Variants in SMYD4 observed in about 807,000 individuals in gnomAD.
SMYD4 encodes protein-lysine N-methyltransferase SMYD4.
A neutral mutation model predicts 72.8 loss-of-function variants in SMYD4; 68 were observed. The ratio of observed to expected loss-of-function variants is 0.93; its 90% confidence interval spans 0.77 to 1.14. The LOEUF is 1.14. Among genes scored for constraint, SMYD4 ranks in the 50% most tolerant of loss-of-function variants. The probability of loss-of-function intolerance (pLI) is 0.00; values close to 1 mark genes in which losing one functional copy is unlikely to be tolerated. For missense variants in SMYD4, 984 were observed against 1,003.7 expected (o/e 0.98, Z 0.27); for synonymous variants, 407 against 388.6 (o/e 1.05, Z -0.56).
Position 1,783,022 on chromosome 17 carries a change from GAA to G in SMYD4, c.2261+11_2261+12del. ...GAACAGTGTGTGCCCTGTGAAGTGG[GAA>G]AGGGACTCACCCGTTGAAAAAGATC... On this transcript the variant is annotated intron_variant, in intron 10 of 10. Coordinates refer to ENST00000305513, the MANE Select transcript of SMYD4 (RefSeq NM_052928.3). 1 of 1,613,094 alleles carries G rather than the reference GAA, an allele frequency of 6.2e-7. No individual in the cohort carries two copies. The highest frequency in any genetic ancestry group is 8.5e-7 in the Non-Finnish European group (1 of 1,179,708).
chr17:1,783,864 T>C (rs1208922020), intron 8 of SMYD4: 1 of 306,338 alleles, frequency 3.3e-6, no homozygotes, highest in Non-Finnish European at 6.2e-6. Flanking sequence ...TCAAGGGCAA[T>C]GGGGAGCTCC....
At position 1,780,993 on chromosome 17, in the gene SMYD4, C is replaced by T. The variant is rs1378385307; in HGVS notation, c.*293G>A. ...GGAGTGCAGTGGAGCGATCTCGGCT[C>T]ACTGCAACCTCCGCCTCCTGGGTTC... On this transcript the variant is annotated 3_prime_UTR_variant, in exon 11 of 11. Transcript: ENST00000305513. 2 of 230,952 alleles carry T rather than the reference C, an allele frequency of 8.7e-6. No homozygotes were observed. Among genetic ancestry groups the T allele is most frequent in the Non-Finnish European group, 8.5e-6 (1 of 117,548 alleles). The allele number at this position is 230,952 out of a possible 1,614,324, so 14.3% of individuals were successfully genotyped here.
At chr17:1,781,569 A>ACTTACTGTTCT in intron 10 of SMYD4, 130 bp from the exon 11 acceptor site, 2 of 1,075,710 alleles carry the variant, frequency 1.9e-6, no homozygotes, top group Non-Finnish European at 1.3e-6. Context: ...CTAGAACAGT[A>ACTTACTGTTCT]AGTAAGACAC....
chr17:1,814,025 G>A (rs1467444535), intron 2 of SMYD4, among the ~76,000 whole-genome samples: 2 of 152,122 alleles, frequency 1.3e-5, no homozygotes, highest in Admixed American at 1.3e-4. Flanking sequence ...CAGAGCTGCA[G>A]AATGGCCAGG....
chr17:1,787,752 G>T, intron 5 of SMYD4, 148 bp from the exon 6 acceptor site: 1 of 838,906 alleles, frequency 1.2e-6, no homozygotes, highest in Non-Finnish European at 1.8e-6. Flanking sequence ...AATCAGATGG[G>T]ACATGACTCA....
At chr17:1,829,321 C>T (rs972139078) in intron 1 of SMYD4, 4 of 152,352 alleles carry the variant, frequency 2.6e-5, no homozygotes, top group Non-Finnish European at 5.9e-5. Context: ...TTGGCATAGG[C>T]TACTCATGCT....
chr17:1,799,665 C>T (rs1347902406), intron 5 of SMYD4, among the ~76,000 whole-genome samples, 192 bp downstream of exon 5: 2 of 152,074 alleles, frequency 1.3e-5, no homozygotes, highest in Non-Finnish European at 2.9e-5. Flanking sequence ...TGGGCCACCA[C>T]GCCTGGCAGG....
At chr17:1,811,898 G>T in intron 3 of SMYD4, 73 bp downstream of exon 3, 1 of 1,542,998 alleles carries the variant, frequency 6.5e-7, no homozygotes, top group Non-Finnish European at 8.8e-7. Flanking sequence ...CTGTACTCCA[G>T]CCTGGGTAAC....
At chr17:1,807,427 G>C (rs1486992193) in intron 3 of SMYD4, among the ~76,000 whole-genome samples, 37 of 117,402 alleles carry the variant, frequency 3.2e-4, no homozygotes, top group African/African-American at 5.7e-4. Context: ...CGCCCCCCCC[G>C]GCCCCCACAC....
chr17:1,817,071 G>T, intron 2 of SMYD4, among the ~76,000 whole-genome samples: 3 of 140,334 alleles, frequency 2.1e-5, no homozygotes, highest in Admixed American at 7.3e-5. Context: ...TTTTAAGACA[G>T]TCTCACTCTG....
At chr17:1,809,369 A>G (rs927818597) in intron 3 of SMYD4, among the ~76,000 whole-genome samples, 1 of 125,496 alleles carries the variant, frequency 8.0e-6, no homozygotes, top group Non-Finnish European at 2.0e-5. Context: ...TATTATTGTT[A>G]TTATTATTAT....
intron 2 of SMYD4, among the ~76,000 whole-genome samples, chr17:1,818,676 T>C (rs1187814452): frequency 1.3e-5 from 2 of 152,166 alleles, no homozygotes; most frequent in Non-Finnish European, 1.5e-5. Flanking sequence ...AATTTTTTTT[T>C]CGAGACAGGT....
At chr17:1,789,764 C>CCAAAAAAAAAAAAAAAAAAAA (rs71150816) in intron 5 of SMYD4, among the ~76,000 whole-genome samples, 1 of 90,098 alleles carries the variant, frequency 1.1e-5, no homozygotes, top group East Asian at 3.0e-4. Flanking sequence ...GACTCTGTCT[C>CCAAAAAAAAAAAAAAAAAAAA]AAAAAAAAAA....
intron 5 of SMYD4, among the ~76,000 whole-genome samples, chr17:1,799,260 CAAA>C (rs1282407463): frequency 2.1e-5 from 2 of 94,694 alleles, no homozygotes; most frequent in Admixed American, 1.1e-4. Flanking sequence ...GACTCCGTCT[CAAA>C]AAAAAAAAAA....
At chr17:1,823,257 G>A (rs7214024) in intron 2 of SMYD4, among the ~76,000 whole-genome samples, 4 of 150,700 alleles carry the variant, frequency 2.7e-5, no homozygotes, top group Non-Finnish European at 5.9e-5. Flanking sequence ...AGCTGGGCGT[G>A]GTGGCAGGCG....
intron 2 of SMYD4, among the ~76,000 whole-genome samples, chr17:1,813,794 A>C (rs1307709927): frequency 6.7e-6 from 1 of 148,950 alleles, no homozygotes; most frequent in Non-Finnish European, 1.5e-5. Context: ...AATGCTCTAC[A>C]AAATTAATAA....
chr17:1,823,349 A>C (rs1457657447), intron 2 of SMYD4, among the ~76,000 whole-genome samples: 3 of 141,334 alleles, frequency 2.1e-5, no homozygotes, highest in Non-Finnish European at 4.5e-5. Context: ...AGCCGAGATC[A>C]CGCCACTGCA....
chr17:1,793,829 G>GT (rs112584133), intron 5 of SMYD4, among the ~76,000 whole-genome samples: 5,058 of 144,492 alleles, frequency 0.035, 140 homozygotes, highest in African/African-American at 0.075. Flanking sequence ...TCAGTGCAGT[G>GT]TTTTTTTTTT....
chr17:1,799,896 G>C lies in SMYD4; in HGVS notation c.1498C>G (p.Gln500Glu). 6.2e-7 allele frequency: 1 copy of C among 1,612,534 alleles called. No homozygotes were observed. The highest frequency in any genetic ancestry group is 8.5e-7 in the Non-Finnish European group (1 of 1,179,162). Residue 500 changes from glutamine (Q) to glutamate (E), a missense_variant, in exon 5 of 11, where the codon CAG becomes GAG. Gln to Glu is a conservative substitution (Grantham distance 29). Coordinates refer to ENST00000305513, the MANE Select transcript of SMYD4 (RefSeq NM_052928.3). ...VAMLRHMLQLQCNAQAMTTIQ... is the reference protein window; with the variant it reads ...VAMLRHMLQLECNAQAMTTIQ... ...GTGGTCATCGCCTGAGCGTTACACT[G>C]AAGCTGTAACATGTGTCTCAGCATC...
Sources: allele counts gnomAD v4.1 joint callset (sites outside exome capture counted in the v4.1 genomes callset), GRCh38; gene constraint gnomAD v4.1.1; transcripts MANE v1.5; gene names NCBI Gene and HGNC (gene_info 2026-07-23, HGNC 2026-07-21).